Variants in CNTN5 observed in about 807,000 individuals in gnomAD.
The protein encoded by CNTN5 is contactin 5.
A neutral mutation model predicts 129.1 loss-of-function variants in CNTN5; 77 were observed. That is an observed-to-expected ratio of 0.60 (90% CI 0.50 to 0.72). The LOEUF is 0.72. Among genes scored for constraint, CNTN5 ranks in the 30% least tolerant of loss-of-function variants. The pLI, the probability that CNTN5 is intolerant of heterozygous loss-of-function variation, is 0.00. For synonymous variants in CNTN5, 509 were observed against 465.6 expected, an observed-to-expected ratio of 1.09 and a Z score of -1.20; for missense variants, 1,478 against 1,328.8, an observed-to-expected ratio of 1.11 and a Z score of -1.75.
At chr11:99,202,082 T>A (rs1859238793) in intron 1 of CNTN5, among the ~76,000 whole-genome samples, 2 of 152,136 alleles carry the variant, frequency 1.3e-5, no homozygotes, top group South Asian at 4.1e-4. Flanking sequence ...AATAGAAAAA[T>A]TTTACATGAT....
chr11:99,991,063 T>A lies in CNTN5; in HGVS notation c.878-10971T>A, dbSNP rs1939057346. On this transcript the variant is annotated intron_variant, in intron 8 of 24. Coordinates refer to ENST00000524871, the MANE Select transcript of CNTN5 (RefSeq NM_014361.4). The stretch of plus-strand genomic sequence containing the variant: ...TATCTCACACATAGCACAATATCTT[T>A]TGCCCTGTCTAGTGTTATGAATGTG... 1.3e-5 allele frequency among the ~76,000 whole-genome samples: 2 copies of A among 152,234 alleles called. 1 individual carries two copies. The highest frequency in any genetic ancestry group is 2.9e-5 in the Non-Finnish European group (2 of 68,052).
chr11:99,652,369 A>G (rs1173180785), intron 3 of CNTN5, among the ~76,000 whole-genome samples: 1 of 152,074 alleles, frequency 6.6e-6, no homozygotes, highest in Non-Finnish European at 1.5e-5. Context: ...TGACACCATC[A>G]TCTATACTAT....
chr11:100,000,870 C>A (rs556765086), intron 8 of CNTN5, among the ~76,000 whole-genome samples: 1 of 152,312 alleles, frequency 6.6e-6, no homozygotes, highest in South Asian at 2.1e-4. Context: ...ACCTCTGAAG[C>A]AATGGCCTGA....
intron 16 of CNTN5, chr11:100,225,241 G>T (rs1371213518): frequency 1.3e-5 from 2 of 152,640 alleles, no homozygotes; most frequent in East Asian, 3.8e-4. Context: ...AACTGCATGT[G>T]TAAGATGGTG....
intron 3 of CNTN5, among the ~76,000 whole-genome samples, chr11:99,637,407 A>T (rs372573058): frequency 1.3e-5 from 2 of 152,168 alleles, no homozygotes; most frequent in South Asian, 2.1e-4. Context: ...AAATTGAATA[A>T]ACATAAGCAA....
At chr11:99,824,304 T>C (rs1946887786) in intron 4 of CNTN5, among the ~76,000 whole-genome samples, 1 of 152,030 alleles carries the variant, frequency 6.6e-6, no homozygotes, top group Admixed American at 6.6e-5. Context: ...TTTTTGGCAA[T>C]CTCTTGAGTA....
In CNTN5 at chr11:100,018,231, C is replaced by T. The variant is rs148796683; in HGVS notation, c.980+16095C>T. ...ATACGTATTTTTACCATGAAACCAT[C>T]GCACAATCCACATAATAAGCATATC... On this transcript the variant is annotated intron_variant, in intron 9 of 24. Coordinates refer to ENST00000524871, the MANE Select transcript of CNTN5 (RefSeq NM_014361.4). Among the ~76,000 whole-genome samples the T allele has an allele frequency of 7.0e-4, 106 of 151,974 alleles. No homozygotes were observed. In the East Asian group the frequency reaches 0.014, roughly 21 times the overall value.
At position 99,224,610 on chromosome 11, in the gene CNTN5, A is replaced by G. The variant is rs567137825; in HGVS notation, c.-209-100736A>G. On this transcript the variant is annotated intron_variant, in intron 1 of 24. Coordinates refer to ENST00000524871, the MANE Select transcript of CNTN5 (RefSeq NM_014361.4). Reference sequence around the variant, plus strand: ...CAGCTGGTGAGAATGATCATGACTAACAGCTAGCTATCTTCCAGATTAAAG... The same window carrying G: ...CAGCTGGTGAGAATGATCATGACTAGCAGCTAGCTATCTTCCAGATTAAAG... Among the ~76,000 whole-genome samples, 3 of 151,244 alleles carry G rather than the reference A, an allele frequency of 2.0e-5. No individual in the cohort carries two copies. The South Asian group carries it at 6.3e-4, about 32-fold the overall frequency.
At chr11:99,860,735 C>A (rs1948177577) in intron 6 of CNTN5, among the ~76,000 whole-genome samples, 1 of 152,028 alleles carries the variant, frequency 6.6e-6, no homozygotes, top group Admixed American at 6.6e-5. Flanking sequence ...TACTGTGATA[C>A]CTCCAGCTTT....
intron 2 of CNTN5, among the ~76,000 whole-genome samples, chr11:99,505,147 A>G (rs899510690): frequency 6.6e-6 from 1 of 152,136 alleles, no homozygotes; most frequent in African/African-American, 2.4e-5. Flanking sequence ...CGCCCAAGTT[A>G]TACAGTAAAC....
At chr11:99,735,261 G>A (rs779001183) in intron 3 of CNTN5, among the ~76,000 whole-genome samples, 4 of 152,156 alleles carry the variant, frequency 2.6e-5, no homozygotes, top group Non-Finnish European at 5.9e-5. Context: ...TCACCTTCCT[G>A]TAAAACATAA....
At chr11:99,108,144 G>A (rs1413327593) in intron 1 of CNTN5, among the ~76,000 whole-genome samples, 2 of 152,056 alleles carry the variant, frequency 1.3e-5, no homozygotes, top group Admixed American at 6.6e-5. Flanking sequence ...AGGGAGGATA[G>A]CTGCAAAGGA....
intron 3 of CNTN5, among the ~76,000 whole-genome samples, chr11:99,789,284 C>G (rs1272753338): frequency 6.6e-6 from 1 of 151,736 alleles, no homozygotes; most frequent in Non-Finnish European, 1.5e-5. Context: ...TCAGAACAGC[C>G]ACAGTGAAGT....
intron 3 of CNTN5, among the ~76,000 whole-genome samples, chr11:99,718,756 G>T (rs1297338003): frequency 6.6e-6 from 1 of 152,042 alleles, no homozygotes; most frequent in Non-Finnish European, 1.5e-5. Flanking sequence ...CAAACACTTT[G>T]CTAAGTGTCA....
chr11:99,841,579 A>G (rs1947492900), intron 4 of CNTN5, among the ~76,000 whole-genome samples: 1 of 151,588 alleles, frequency 6.6e-6, no homozygotes, highest in Non-Finnish European at 1.5e-5. Flanking sequence ...AAGAGTGAGA[A>G]AAAGGGGAGG....
intron 1 of CNTN5, among the ~76,000 whole-genome samples, chr11:99,038,322 A>G (rs1220047554): frequency 6.6e-6 from 1 of 152,230 alleles, no homozygotes; most frequent in Non-Finnish European, 1.5e-5. Context: ...TTTATAAGAT[A>G]CACATTGATG....
chr11:99,417,176 G>A (rs1027862826), intron 2 of CNTN5, among the ~76,000 whole-genome samples: 8 of 152,140 alleles, frequency 5.3e-5, no homozygotes, highest in East Asian at 1.9e-4. Flanking sequence ...AAATAGCAGC[G>A]TGAATACATT....
chr11:100,326,936 G>A (rs1361261953), intron 21 of CNTN5, among the ~76,000 whole-genome samples: 3 of 152,142 alleles, frequency 2.0e-5, no homozygotes, highest in African/African-American at 7.2e-5. Context: ...AACGTTTGAG[G>A]CCCATTTTGC....
intron 21 of CNTN5, among the ~76,000 whole-genome samples, chr11:100,339,019 A>C (rs535766068): frequency 6.7e-6 from 1 of 149,654 alleles, no homozygotes; most frequent in South Asian, 2.1e-4. Flanking sequence ...TAGCAGCTCA[A>C]CTGACAGGAG....
Sources: allele counts gnomAD v4.1 joint callset (sites outside exome capture counted in the v4.1 genomes callset), GRCh38; gene constraint gnomAD v4.1.1; transcripts MANE v1.5; gene names NCBI Gene and HGNC (gene_info 2026-07-23, HGNC 2026-07-21).